P2RX5: variants seen among roughly 807,000 people sequenced by gnomAD.
The protein encoded by P2RX5 is purinergic receptor P2X 5.
In P2RX5, 46 loss-of-function variants were observed where a neutral mutation model predicts 54.1. The ratio of observed to expected loss-of-function variants is 0.85; its 90% CI spans 0.67 to 1.09. The LOEUF is 1.09. Among genes scored for constraint, P2RX5 ranks in the 50% least tolerant of loss-of-function variants. The pLI, the probability that P2RX5 is intolerant of heterozygous loss-of-function variation, is 0.00. For synonymous variants in P2RX5, 226 were observed against 226.4 expected, an observed-to-expected ratio of 1.00 and a Z score of 0.02; for missense variants, 566 against 549.8, an observed-to-expected ratio of 1.03 and a Z score of -0.29.
chr17:3,691,899 G>A, intron 1 of P2RX5, 105 bp from the exon 2 acceptor site: 1 of 1,204,210 alleles, frequency 8.3e-7, no homozygotes, highest in South Asian at 1.2e-5. Context: ...CCTAGTTGAG[G>A]TGGAGCAGGC....
At chr17:3,698,012 A>G (rs1203512621), upstream of P2RX5, among the ~76,000 whole-genome samples, 1 of 151,612 alleles carries the variant, frequency 6.6e-6, no homozygotes, top group Non-Finnish European at 1.5e-5. Context: ...TTCTAGACAT[A>G]TTATTGAATG....
At position 3,696,092 on chromosome 17, in the gene P2RX5, G is replaced by T; in HGVS notation, c.-87C>A. On this transcript the variant is annotated 5_prime_UTR_variant, in exon 1 of 12. Coordinates refer to ENST00000225328, the MANE Select transcript of P2RX5 (RefSeq NM_002561.4). The stretch of plus-strand genomic sequence containing the variant: ...GTCCCTCGGTCCCTGCGCGCCCGGC[G>T]CCCGCCTCGGCCCGTCTGCGCCCGC... The T allele has an allele frequency of 7.3e-7, 1 of 1,378,802 alleles. No homozygotes were observed. Among genetic ancestry groups the T allele is most frequent in the Non-Finnish European group, 9.6e-7 (1 of 1,047,010 alleles). 85.4% of individuals were successfully genotyped at this position (1,378,802 alleles called of 1,614,324 possible). A position where few individuals can be genotyped will look rare whatever the true frequency, so the allele number is the denominator to read the frequency against.
chr17:3,716,810 A>G, the P2RX5 span: 1 of 1,412,148 alleles, frequency 7.1e-7, no homozygotes, highest in East Asian at 2.3e-5. Flanking sequence ...TAGACAAGAC[A>G]AAGAGATCGC....
chr17:3,676,422 G>T lies in P2RX5; in HGVS notation c.1260-2545C>A, dbSNP rs55666547. On this transcript the variant is annotated intron_variant, in intron 11 of 11. Coordinates refer to ENST00000225328, the MANE Select transcript of P2RX5 (RefSeq NM_002561.4). ...GCTGCCTCTGGGGAACCGGGAGGAC[G>T]GAGGTTGCTTTTCACTGACTATCCT... 6.8e-3 allele frequency: 6,653 copies of T among 980,438 alleles called. 25 individuals are homozygous for T. The highest frequency in any genetic ancestry group is 8.9e-3 in the Middle Eastern group (17 of 1,912). 60.7% of individuals were successfully genotyped at this position (980,438 alleles called of 1,614,324 possible).
At chr17:3,689,187 G>A (rs1036285827) in intron 7 of P2RX5, among the ~76,000 whole-genome samples, 6 of 152,022 alleles carry the variant, frequency 3.9e-5, no homozygotes, top group African/African-American at 9.7e-5. Context: ...AAAACACTGA[G>A]TCCCTGGGGG....
upstream of P2RX5, among the ~76,000 whole-genome samples, chr17:3,699,824 AAGAG>A (rs71153388): frequency 2.6e-5 from 3 of 115,914 alleles, no homozygotes; most frequent in Non-Finnish European, 3.7e-5. Flanking sequence ...GAAAGAGAGA[AAGAG>A]AGAGAGAGAG....
At chr17:3,676,895 C>T (rs2142994936) in intron 11 of P2RX5, among the ~76,000 whole-genome samples, 1 of 152,304 alleles carries the variant, frequency 6.6e-6, no homozygotes, top group South Asian at 2.1e-4. Flanking sequence ...AACCCCATCT[C>T]TGCTAAAACT....
At chr17:3,681,519 A>C (rs2050280096) in intron 10 of P2RX5, among the ~76,000 whole-genome samples, 1 of 152,190 alleles carries the variant, frequency 6.6e-6, no homozygotes, top group African/African-American at 2.4e-5. Context: ...AGCTTCCCTC[A>C]GCCCCGGCGC....
At chr17:3,712,269 C>T in the P2RX5 span, among the ~76,000 whole-genome samples, 5 of 152,110 alleles carry the variant, frequency 3.3e-5, no homozygotes, top group Non-Finnish European at 5.9e-5. Context: ...ATAGCACAGA[C>T]GGATTTCTGA....
At chr17:3,705,405 T>G in the P2RX5 span, among the ~76,000 whole-genome samples, 1 of 152,150 alleles carries the variant, frequency 6.6e-6, no homozygotes, top group Non-Finnish European at 1.5e-5. Context: ...TACCATAGTT[T>G]TCAGTGTCCA....
intron 2 of P2RX5, 53 bp downstream of exon 2, chr17:3,691,591 C>G: frequency 2.5e-6 from 4 of 1,611,544 alleles, no homozygotes; most frequent in East Asian, 2.2e-5. Flanking sequence ...GTGACCCACC[C>G]GAACCAGGCA....
At chr17:3,708,312 C>A in the P2RX5 span, among the ~76,000 whole-genome samples, 926 of 152,178 alleles carry the variant, frequency 6.1e-3, 1 homozygote, top group Non-Finnish European at 0.01. Context: ...GTCAAATCAC[C>A]CTTACTTGCC....
At chr17:3,706,010 A>G in the P2RX5 span, among the ~76,000 whole-genome samples, 3 of 151,708 alleles carry the variant, frequency 2.0e-5, no homozygotes, top group East Asian at 5.8e-4. Flanking sequence ...GCTGGAGTGC[A>G]GTGGCACAAT....
intron 10 of P2RX5, 106 bp from the exon 11 acceptor site, chr17:3,679,890 C>G: frequency 4.3e-6 from 4 of 939,352 alleles, no homozygotes; most frequent in Non-Finnish European, 6.7e-6. Flanking sequence ...AGGCCGCCAC[C>G]CTGCTTCCTC....
upstream of P2RX5, among the ~76,000 whole-genome samples, chr17:3,696,845 G>C (rs1228375755): frequency 6.6e-6 from 1 of 152,174 alleles, no homozygotes; most frequent in Non-Finnish European, 1.5e-5. Context: ...GAGGAAGGAA[G>C]GGGACACAAC....
intron 10 of P2RX5, among the ~76,000 whole-genome samples, 178 bp from the exon 11 acceptor site, chr17:3,679,962 T>TG (rs2050195679): frequency 6.8e-6 from 1 of 146,086 alleles, no homozygotes; most frequent in African/African-American, 2.6e-5. Flanking sequence ...TCCTCCACCC[T>TG]GCTCTCTCCA....
intron 10 of P2RX5, 68 bp from the exon 11 acceptor site, chr17:3,679,852 G>C: frequency 7.1e-7 from 1 of 1,403,368 alleles, no homozygotes; most frequent in Non-Finnish European, 9.9e-7. Flanking sequence ...GACGGGCGGA[G>C]TGGGCCTTGA....
the P2RX5 span, chr17:3,717,285 C>T: frequency 6.5e-6 from 1 of 154,546 alleles, no homozygotes; most frequent in South Asian, 2.0e-4. Context: ...TGGTAATACA[C>T]TTTCCCCACA....
chr17:3,676,216 TAGG>T, intron 11 of P2RX5: 6 of 985,310 alleles, frequency 6.1e-6, no homozygotes, highest in Non-Finnish European at 7.2e-6. Context: ...TACAACGGGG[TAGG>T]AGAAGAGAGC....
Sources: gnomAD v4.1 joint callset for allele counts (sites outside exome capture counted in the v4.1 genomes callset) on GRCh38, gnomAD v4.1.1 for gene constraint, MANE v1.5 for transcripts, NCBI Gene and HGNC (gene_info 2026-07-23, HGNC 2026-07-21) for gene names.